The following CIB2 variants were observed in gnomAD, a reference collection of about 807,000 sequenced individuals.
CIB2 encodes calcium and integrin-binding family member 2.
Under a neutral mutation model 23.1 loss-of-function variants are expected in CIB2, and 19 were observed. The observed-to-expected ratio is 0.82, with a 90% CI of 0.57 to 1.21. CIB2 has a LOEUF of 1.21. CIB2 is among the 50% of genes most tolerant of loss of function. CIB2 has a pLI of 0.00. For synonymous variants in CIB2, 94 were observed against 91.7 expected (o/e 1.03, Z -0.14); for missense variants, 220 against 241.5 (o/e 0.91, Z 0.59).
chr15:78,126,143 C>CA (rs796632353), intron 1 of CIB2, among the ~76,000 whole-genome samples: 2 of 143,426 alleles, frequency 1.4e-5, no homozygotes, highest in South Asian at 2.2e-4. Flanking sequence ...TTCCCCTGCC[C>CA]CCCCCCCTTT....
intron 2 of CIB2, among the ~76,000 whole-genome samples, chr15:78,116,195 A>G (rs1265521733): frequency 6.6e-6 from 1 of 152,110 alleles, no homozygotes; most frequent in East Asian, 1.9e-4. Context: ...ACGGTGGCTT[A>G]CACCTGCAAT....
At chr15:78,120,525 G>A (rs2074303024) in intron 2 of CIB2, 1 of 984,704 alleles carries the variant, frequency 1.0e-6, no homozygotes, top group Admixed American at 6.2e-5. Context: ...AAAGAGCACA[G>A]CCTAATTAGG....
chr15:78,107,905 C>T (rs1225058683), intron 4 of CIB2, among the ~76,000 whole-genome samples: 1 of 152,176 alleles, frequency 6.6e-6, no homozygotes, highest in Non-Finnish European at 1.5e-5. Flanking sequence ...GGCGTGGTGG[C>T]TCACACCTGT....
intron 1 of CIB2, among the ~76,000 whole-genome samples, chr15:78,129,809 T>A (rs2074430368): frequency 6.6e-6 from 1 of 152,228 alleles, no homozygotes; most frequent in Non-Finnish European, 1.5e-5. Flanking sequence ...GAGCCCTGAA[T>A]GGCTCCTCAG....
In CIB2 at chr15:78,131,147, C is replaced by T. The variant is rs1464960400; in HGVS notation, c.51+18G>A. ...GGGCGGCGGGGCCTGTGTTGGGGGC[C>T]GGGCGCGCCGAGCTCACCTGGTAGT... On this transcript the variant is annotated intron_variant, in intron 1 of 5. Transcript: ENST00000258930. This position sits in a 1 kb window ranked among gnomAD's most constrained non-coding sequence, Gnocchi z 5.8. The T allele has an allele frequency of 1.3e-6, 2 of 1,570,056 alleles. No homozygotes were observed. Among genetic ancestry groups the T allele is most frequent in the South Asian group, 1.1e-5 (1 of 87,512 alleles).
At chr15:78,105,566 T>A (rs1486851011) in intron 5 of CIB2, 173 bp downstream of exon 5, 1 of 1,485,846 alleles carries the variant, frequency 6.7e-7, no homozygotes, top group Non-Finnish European at 8.9e-7. Context: ...ACCTTCCCCC[T>A]GCAGGGGACA....
intron 2 of CIB2, among the ~76,000 whole-genome samples, chr15:78,120,873 C>A (rs1446011599): frequency 6.6e-6 from 1 of 152,106 alleles, no homozygotes; most frequent in African/African-American, 2.4e-5. Flanking sequence ...CCTGAAAGGC[C>A]CTTGGGAGCA....
At position 78,131,187 on chromosome 15, in the gene CIB2, T is replaced by C; in HGVS notation, c.29A>G (p.Glu10Gly). The C allele has an allele frequency of 6.3e-7, 1 of 1,589,864 alleles. No individual in the cohort carries two copies. The part of the protein sequence containing the change: MGNKQTIFT[E>G]EQLDNYQDCT... ...CACCTGGTAGTTGTCTAGCTGCTCT[T>C]CGGTGAAGATGGTCTGCTTGTTCCC... Residue 10 changes from glutamate (E) to glycine (G), a missense_variant, in exon 1 of 6, where the codon GAA (glutamate) becomes GGA (glycine). Transcript: ENST00000258930. The surrounding 1 kb of genome is among the most constrained non-coding windows in gnomAD (Gnocchi z 5.8).
intron 4 of CIB2, among the ~76,000 whole-genome samples, chr15:78,106,347 C>G (rs745314108): frequency 6.6e-6 from 1 of 152,202 alleles, no homozygotes; most frequent in African/African-American, 2.4e-5. Context: ...GAGAGCCACT[C>G]GGAGATGGAG....
intron 2 of CIB2, among the ~76,000 whole-genome samples, chr15:78,121,838 C>T (rs560486462): frequency 1.7e-4 from 26 of 152,216 alleles, no homozygotes; most frequent in African/African-American, 6.0e-4. Flanking sequence ...AAAGGCCCAT[C>T]ATATTGGATC....
At chr15:78,113,696 C>T (rs955015751) in intron 2 of CIB2, among the ~76,000 whole-genome samples, 2 of 152,048 alleles carry the variant, frequency 1.3e-5, no homozygotes, top group Non-Finnish European at 2.9e-5. Flanking sequence ...ATGCCCGGCA[C>T]ATTTTTTGTA....
At chr15:78,126,275 TG>T (rs2074380506) in intron 1 of CIB2, among the ~76,000 whole-genome samples, 1 of 151,932 alleles carries the variant, frequency 6.6e-6, no homozygotes, top group Non-Finnish European at 1.5e-5. Context: ...TCCAAGTAGC[TG>T]GGATTACAGG....
At chr15:78,118,195 C>T (rs2074266171) in intron 2 of CIB2, among the ~76,000 whole-genome samples, 1 of 151,980 alleles carries the variant, frequency 6.6e-6, no homozygotes, top group South Asian at 2.1e-4. Flanking sequence ...TATATACTCA[C>T]AAAAAGAAAG....
intron 4 of CIB2, among the ~76,000 whole-genome samples, chr15:78,107,930 G>A (rs2074095462): frequency 1.3e-5 from 2 of 152,148 alleles, no homozygotes; most frequent in Non-Finnish European, 2.9e-5. Context: ...ACAGCACTTT[G>A]GGAGGCCAAG....
At chr15:78,125,491 G>T (rs1443952369) in intron 1 of CIB2, among the ~76,000 whole-genome samples, 1 of 152,076 alleles carries the variant, frequency 6.6e-6, no homozygotes, top group East Asian at 1.9e-4. Context: ...CTGATTCAAG[G>T]GTTCTCCTGA....
At chr15:78,106,614 T>A (rs2074074548) in intron 4 of CIB2, among the ~76,000 whole-genome samples, 1 of 152,086 alleles carries the variant, frequency 6.6e-6, no homozygotes, top group Admixed American at 6.5e-5. Flanking sequence ...CCTGGCCACA[T>A]CAAAGTGAAC....
chr15:78,110,869 A>G (rs1243806132), intron 3 of CIB2: 1 of 498,136 alleles, frequency 2.0e-6, no homozygotes, highest in Admixed American at 2.3e-5. Context: ...AACAAAGCAG[A>G]CACAGGTCTG....
intron 2 of CIB2, among the ~76,000 whole-genome samples, 194 bp from the exon 3 acceptor site, chr15:78,111,470 G>C (rs1014322466): frequency 1.1e-4 from 16 of 152,064 alleles, no homozygotes; most frequent in African/African-American, 3.9e-4. Context: ...CCAGACCTCT[G>C]TGCTGATAAC....
chr15:78,118,708 T>C (rs937566498), intron 2 of CIB2, among the ~76,000 whole-genome samples: 6 of 152,162 alleles, frequency 3.9e-5, no homozygotes, highest in Admixed American at 3.9e-4. Context: ...ACCATTTTGA[T>C]GGGTACAGTT....
Sources: allele counts gnomAD v4.1 joint callset (sites outside exome capture counted in the v4.1 genomes callset), GRCh38; gene constraint gnomAD v4.1.1; non-coding constraint Gnocchi (gnomAD v3.1); transcripts MANE v1.5; gene names NCBI Gene and HGNC (gene_info 2026-07-23, HGNC 2026-07-21).